LUZP2: variants seen among roughly 807,000 people sequenced by gnomAD.
LUZP2 encodes the protein leucine zipper protein 2.
A neutral mutation model predicts 51.6 loss-of-function variants in LUZP2; 52 were observed. The observed-to-expected ratio is 1.01, with a 90% confidence interval of 0.81 to 1.27. The LOEUF is 1.27. Among genes scored for constraint, LUZP2 ranks in the 50% most tolerant of loss-of-function variants. The pLI, the probability that LUZP2 is intolerant of heterozygous loss-of-function variation, is 0.00. For missense variants in LUZP2, 436 were observed against 395.4 expected, an observed-to-expected ratio of 1.10 and a Z score of -0.87; for synonymous variants, 154 against 137.3, an observed-to-expected ratio of 1.12 and a Z score of -0.85.
intron 4 of LUZP2, among the ~76,000 whole-genome samples, chr11:24,756,542 T>C (rs114463107): frequency 0.011 from 1,639 of 152,264 alleles, 35 homozygotes; most frequent in South Asian, 0.087. Context: ...CACCCCCTGC[T>C]CTTTTATTAT....
intron 5 of LUZP2, among the ~76,000 whole-genome samples, chr11:24,873,585 G>T (rs550520272): frequency 2.0e-5 from 3 of 152,236 alleles, no homozygotes; most frequent in Admixed American, 6.5e-5. Context: ...CTGATAAATT[G>T]CAGGCACTGA....
Position 24,564,763 on chromosome 11 carries a change from A to T in LUZP2, c.62+67458A>T, listed in dbSNP as rs114884071. The stretch of plus-strand genomic sequence containing the variant: ...CAGAAAGTCTCTCACAGTTTTTTTA[A>T]AAAATAACATTTGATCTAGTCAGCT... On this transcript the variant is annotated intron_variant, in intron 1 of 11. Coordinates refer to ENST00000336930, the MANE Select transcript of LUZP2 (RefSeq NM_001009909.4). Among the ~76,000 whole-genome samples, 452 of 152,238 alleles carry T rather than the reference A, an allele frequency of 3.0e-3. 4 individuals carry two copies. The highest frequency in any genetic ancestry group is 1.0e-2 in the African/African-American group (415 of 41,540).
At chr11:24,499,423 G>A (rs1340149995) in intron 1 of LUZP2, among the ~76,000 whole-genome samples, 1 of 152,098 alleles carries the variant, frequency 6.6e-6, no homozygotes, top group Non-Finnish European at 1.5e-5. Flanking sequence ...AGTTCTTATA[G>A]GCACATGGTT....
intron 5 of LUZP2, among the ~76,000 whole-genome samples, chr11:24,770,596 G>T (rs12164820): frequency 0.08 from 12,200 of 152,054 alleles, 1,053 homozygotes; most frequent in African/African-American, 0.22. Context: ...TGCTCTAAGT[G>T]CCTGAGAGAA....
chr11:24,925,573 T>C (rs1854201676), intron 7 of LUZP2, among the ~76,000 whole-genome samples: 1 of 152,188 alleles, frequency 6.6e-6, no homozygotes, highest in East Asian at 1.9e-4. Flanking sequence ...CACTAGCTAA[T>C]GGAGAGGAGA....
At chr11:25,004,664 C>T (rs894345154) in intron 9 of LUZP2, among the ~76,000 whole-genome samples, 2 of 152,134 alleles carry the variant, frequency 1.3e-5, no homozygotes, top group Non-Finnish European at 2.9e-5. Flanking sequence ...GATTTTCTTC[C>T]TTTCCCTGAA....
chr11:24,995,879 A>G (rs528291379), intron 9 of LUZP2, among the ~76,000 whole-genome samples: 2 of 152,022 alleles, frequency 1.3e-5, no homozygotes, highest in South Asian at 2.1e-4. Flanking sequence ...GATAAGGGAG[A>G]AAAAAGTCAT....
chr11:24,736,256 C>T (rs999436300), intron 3 of LUZP2, among the ~76,000 whole-genome samples: 2 of 151,870 alleles, frequency 1.3e-5, no homozygotes, highest in African/African-American at 4.8e-5. Context: ...CATACATACT[C>T]ATTGTCATTT....
intron 10 of LUZP2, among the ~76,000 whole-genome samples, chr11:25,055,203 C>T (rs1299582809): frequency 6.6e-6 from 1 of 151,356 alleles, no homozygotes; most frequent in African/African-American, 2.4e-5. Flanking sequence ...TAGAGACGGG[C>T]TTTCACCATG....
At chr11:25,018,243 C>T (rs889644113) in intron 9 of LUZP2, among the ~76,000 whole-genome samples, 1 of 152,080 alleles carries the variant, frequency 6.6e-6, no homozygotes, top group Non-Finnish European at 1.5e-5. Flanking sequence ...GCAACCATGG[C>T]ATTGACAAAC....
chr11:24,602,210 A>G (rs1044322699), intron 1 of LUZP2, among the ~76,000 whole-genome samples: 4 of 63,656 alleles, frequency 6.3e-5, no homozygotes, highest in Admixed American at 4.6e-4. Context: ...ATATATGTGT[A>G]TATATGTATA....
At chr11:24,652,496 G>A (rs1435947994) in intron 1 of LUZP2, among the ~76,000 whole-genome samples, 2 of 152,010 alleles carry the variant, frequency 1.3e-5, no homozygotes, top group Non-Finnish European at 2.9e-5. Flanking sequence ...GGAAAACAGT[G>A]AGAAAAGATT....
intron 5 of LUZP2, among the ~76,000 whole-genome samples, chr11:24,901,637 C>A (rs1036206673): frequency 2.0e-5 from 3 of 152,074 alleles, no homozygotes. Flanking sequence ...CTTGCCTAGT[C>A]CAGTTGTAGC....
chr11:24,778,423 TAAACAAAC>T lies in LUZP2; in HGVS notation c.396+15127_396+15134del, dbSNP rs375197625. 5.9e-4 allele frequency among the ~76,000 whole-genome samples: 89 copies of T among 151,284 alleles called. 2 individuals are homozygous for T. The East Asian group carries it at 0.016, about 27-fold the overall frequency. On this transcript the variant is annotated intron_variant, in intron 5 of 11. Transcript: ENST00000336930. Reference sequence around the variant, plus strand: ...GAGCAAGATCCTTTCAAAAAATGAATAAACAAACAAACAAACAAATAAAATTTATACAA... The same window carrying T: ...GAGCAAGATCCTTTCAAAAAATGAATAAACAAACAAATAAAATTTATACAA...
intron 1 of LUZP2, among the ~76,000 whole-genome samples, chr11:24,673,004 T>C (rs1468553944): frequency 6.6e-6 from 1 of 152,094 alleles, no homozygotes; most frequent in Admixed American, 6.6e-5. Context: ...ATGCAAGGGA[T>C]CTAAGTTGTG....
intron 1 of LUZP2, among the ~76,000 whole-genome samples, chr11:24,728,764 G>C (rs1458153909): frequency 6.6e-6 from 1 of 151,750 alleles, no homozygotes; most frequent in Non-Finnish European, 1.5e-5. Flanking sequence ...ATTTTCTTTA[G>C]TGTCTGTATG....
At position 24,643,254 on chromosome 11, in the gene LUZP2, CAAAAAAAAA is replaced by C. The variant is rs570616833; in HGVS notation, c.63-85900_63-85892del. On this transcript the variant is annotated intron_variant, in intron 1 of 11. Transcript: ENST00000336930. ...TGAAACCTCGTCTGTACTAAAAGTACAAAAAAAAAAAAAAAAAAAAAAATTAGCTGGGCG... is the reference window on the plus strand; with the variant it reads ...TGAAACCTCGTCTGTACTAAAAGTACAAAAAAAAAAAAAATTAGCTGGGCG... 5.4e-4 allele frequency among the ~76,000 whole-genome samples: 41 copies of C among 75,724 alleles called. No homozygotes were observed. The East Asian group carries it at 0.011, about 20-fold the overall frequency. 49.7% of individuals were successfully genotyped at this position (75,724 alleles called of 152,430 possible). A position where few individuals can be genotyped will look rare whatever the true frequency, so the allele number is the denominator to read the frequency against.
chr11:24,561,370 T>C (rs1434450006), intron 1 of LUZP2, among the ~76,000 whole-genome samples: 1 of 152,142 alleles, frequency 6.6e-6, no homozygotes, highest in Admixed American at 6.6e-5. Context: ...TTATTAATTA[T>C]TTTATAAAAT....
At chr11:24,649,967 A>ACG (rs1187124627) in intron 1 of LUZP2, among the ~76,000 whole-genome samples, 2 of 55,862 alleles carry the variant, frequency 3.6e-5, no homozygotes, top group Non-Finnish European at 7.1e-5. Flanking sequence ...ACACACACAT[A>ACG]CACACAGAGA....
Sources: gnomAD v4.1 joint callset for allele counts (sites outside exome capture counted in the v4.1 genomes callset) on GRCh38, gnomAD v4.1.1 for gene constraint, MANE v1.5 for transcripts, NCBI Gene and HGNC (gene_info 2026-07-23, HGNC 2026-07-21) for gene names.